The following BCAS2 variants were observed in gnomAD, a reference collection of about 807,000 sequenced individuals.
BCAS2 encodes the protein BCAS2 pre-mRNA processing factor.
A neutral mutation model predicts 35.3 loss-of-function variants in BCAS2; 34 were observed. The ratio of observed to expected loss-of-function variants is 0.96; its 90% confidence interval spans 0.73 to 1.28. The LOEUF (loss-of-function observed/expected upper bound fraction) is 1.28, where lower values mean the gene tolerates loss of function less well. BCAS2 is among the 50% of genes most tolerant of loss of function. The probability of loss-of-function intolerance (pLI) is 0.00; values close to 1 mark genes in which losing one functional copy is unlikely to be tolerated. For missense variants in BCAS2, 221 were observed against 268.1 expected (o/e 0.82, Z 1.23); for synonymous variants, 75 against 91.6 (o/e 0.82, Z 1.03).
chr1:114,578,046 C>A (rs1489231422), intron 2 of BCAS2, among the ~76,000 whole-genome samples: 2 of 152,080 alleles, frequency 1.3e-5, no homozygotes, highest in Non-Finnish European at 2.9e-5. Context: ...CAAAAATTAG[C>A]TGGGCGTGAT....
At chr1:114,576,245 C>CTATA (rs1280617063) in intron 3 of BCAS2, among the ~76,000 whole-genome samples, 292 of 142,450 alleles carry the variant, frequency 2.0e-3, no homozygotes, top group Middle Eastern at 3.5e-3. Context: ...CTCTCTCTCT[C>CTATA]TCTATATATA....
rs995974779 is a variant in BCAS2 at position 114,573,143 on chromosome 1, A to C, written c.420-2393T>G. Among the ~76,000 whole-genome samples, 87 of 134,650 alleles carry C rather than the reference A, an allele frequency of 6.5e-4. 1 individual carries two copies. The highest frequency in any genetic ancestry group is 2.2e-3 in the African/African-American group (82 of 36,486). The allele number at this position is 134,650 out of a possible 152,430, so 88.3% of individuals were successfully genotyped here. A position where few individuals can be genotyped will look rare whatever the true frequency, so the allele number is the denominator to read the frequency against. On this transcript the variant is annotated intron_variant, in intron 4 of 6. Transcript: ENST00000369541. ...CCTCCAAAAAAAAAAAAAAAAAAAA[A>C]AAAAAAAACTTGGCCTCTACCTTGC...
At chr1:114,579,358 A>G (rs1188681277) in intron 2 of BCAS2, among the ~76,000 whole-genome samples, 1 of 152,286 alleles carries the variant, frequency 6.6e-6, no homozygotes, top group African/African-American at 2.4e-5. Flanking sequence ...TCAGTAAACT[A>G]ATTACAAAGG....
In BCAS2 at chr1:114,574,460, G is replaced by A. The variant is rs17032796; in HGVS notation, c.419+1130C>T. On this transcript the variant is annotated intron_variant, in intron 4 of 6. Coordinates refer to ENST00000369541, the MANE Select transcript of BCAS2 (RefSeq NM_005872.3). ...TTTTATAAAATAAAGAAGTCTACCA[G>A]GATGAGTTTATTTTAGGATTTAAGA... is the stretch of plus-strand genomic sequence containing the variant. Among the ~76,000 whole-genome samples, 1,332 of 152,244 alleles carry A rather than the reference G, an allele frequency of 8.7e-3. 19 individuals are homozygous for A. Among genetic ancestry groups the A allele is most frequent in the African/African-American group, 0.031 (1,277 of 41,524 alleles).
intron 2 of BCAS2, among the ~76,000 whole-genome samples, chr1:114,579,046 C>T (rs1654829034): frequency 6.6e-6 from 1 of 152,160 alleles, no homozygotes; most frequent in African/African-American, 2.4e-5. Context: ...GAGGCCGAGG[C>T]AGGTGATTCA....
rs144929306 is a variant in BCAS2 at position 114,577,951 on chromosome 1, G to A, written c.187-1193C>T. On this transcript the variant is annotated intron_variant, in intron 2 of 6. Transcript: ENST00000369541. Reference sequence around the variant, plus strand: ...CTCATGCCTGTAATCCCAGCACTTCGGGAGGCCGAGGTGGGTGGATCACGA... The same window carrying A: ...CTCATGCCTGTAATCCCAGCACTTCAGGAGGCCGAGGTGGGTGGATCACGA... 6.3e-4 allele frequency among the ~76,000 whole-genome samples: 96 copies of A among 152,304 alleles called. 1 individual carries two copies. The highest frequency in any genetic ancestry group is 2.2e-3 in the African/African-American group (92 of 41,578).
chr1:114,581,477 T>C, intron 1 of BCAS2, 22 bp downstream of exon 1: 1 of 1,614,034 alleles, frequency 6.2e-7, no homozygotes, highest in Non-Finnish European at 8.5e-7. Flanking sequence ...GTGAGTCAGC[T>C]ACAAAGACAC....
Position 114,570,074 on chromosome 1 carries a change from T to G in BCAS2, c.471-2A>C, listed in dbSNP as rs1275939298. On this transcript the variant is annotated splice_acceptor_variant, in intron 5 of 6. Transcript: ENST00000369541. LOFTEE classifies it high-confidence loss of function. ...CAGTTTAAATCTTGAATATGTTTTCTGTAAAAAATTATTTATACAACCCAA... is the reference window on the plus strand; with the variant it reads ...CAGTTTAAATCTTGAATATGTTTTCGGTAAAAAATTATTTATACAACCCAA... 1.9e-6 allele frequency: 3 copies of G among 1,601,452 alleles called. No individual in the cohort carries two copies. Among genetic ancestry groups the G allele is most frequent in the Non-Finnish European group, 2.6e-6 (3 of 1,169,574 alleles).
At chr1:114,580,866 G>A (rs562577957) in intron 2 of BCAS2, among the ~76,000 whole-genome samples, 10 of 151,990 alleles carry the variant, frequency 6.6e-5, no homozygotes, top group African/African-American at 2.2e-4. Flanking sequence ...ACTTGGATAT[G>A]GTTTGTCCTT....
At chr1:114,579,620 C>G (rs1654841245) in intron 2 of BCAS2, among the ~76,000 whole-genome samples, 1 of 152,134 alleles carries the variant, frequency 6.6e-6, no homozygotes, top group South Asian at 2.1e-4. Flanking sequence ...TATCCCAACA[C>G]TTTGGGAGGC....
chr1:114,572,921 T>C (rs1028698423), intron 4 of BCAS2, among the ~76,000 whole-genome samples: 8 of 152,014 alleles, frequency 5.3e-5, no homozygotes, highest in Admixed American at 2.0e-4. Flanking sequence ...AAGACCAGCC[T>C]GGCCAACATG....
rs748056572 is a variant in BCAS2, at chr1:114,581,393, TAAGA to T, written c.94-6_94-3del. 1.9e-6 allele frequency: 3 copies of T among 1,614,030 alleles called. No individual in the cohort carries two copies. The highest frequency in any genetic ancestry group is 2.2e-5 in the South Asian group (2 of 91,080). Reference sequence around the variant, plus strand: ...TTCCTCCTCCACCAGCGCTGCAGCCTAAGAAAGAGAATAGGGACCAGGGTAGAAG... The same window carrying T: ...TTCCTCCTCCACCAGCGCTGCAGCCTAAGAGAATAGGGACCAGGGTAGAAG... On this transcript the variant is annotated splice_polypyrimidine_tract_variant and splice_region_variant and intron_variant, in intron 1 of 6. Coordinates refer to ENST00000369541, the MANE Select transcript of BCAS2 (RefSeq NM_005872.3).
intron 3 of BCAS2, 43 bp downstream of exon 3, chr1:114,576,645 G>A: frequency 4.1e-6 from 6 of 1,475,482 alleles, no homozygotes; most frequent in Non-Finnish European, 5.6e-6. Context: ...TCATTACTGA[G>A]TTACTACAAA....
chr1:114,572,035 C>T (rs969074594), intron 4 of BCAS2, among the ~76,000 whole-genome samples: 6 of 151,970 alleles, frequency 3.9e-5, no homozygotes, highest in Admixed American at 3.3e-4. Context: ...GATATAATTC[C>T]ACATCATATC....
chr1:114,575,181 CTTTTCT>C (rs1274864897), intron 4 of BCAS2, among the ~76,000 whole-genome samples: 14 of 104,134 alleles, frequency 1.3e-4, no homozygotes, highest in Admixed American at 9.6e-4. Flanking sequence ...TTTTCTTTTT[CTTTTCT>C]TTTTTTTTTT....
Position 114,581,483 on chromosome 1 carries a change from G to A in BCAS2, c.93+16C>T, listed in dbSNP as rs376024403. The A allele has an allele frequency of 1.8e-5, 29 of 1,613,878 alleles. No individual in the cohort carries two copies. Among genetic ancestry groups the A allele is most frequent in the Non-Finnish European group, 2.4e-5 (28 of 1,180,006 alleles). ...CAGCTAGCAGTGAGTCAGCTACAAA[G>A]ACACCCCGCACTCACCGCTTCCCGC... On this transcript the variant is annotated intron_variant, in intron 1 of 6. Transcript: ENST00000369541.
intron 4 of BCAS2, among the ~76,000 whole-genome samples, chr1:114,574,870 T>G (rs1363319151): frequency 6.6e-6 from 1 of 151,956 alleles, no homozygotes; most frequent in Admixed American, 6.6e-5. Flanking sequence ...CTTTGTGGGG[T>G]TTTTTTGTTT....
chr1:114,572,301 G>A (rs547906995), intron 4 of BCAS2, among the ~76,000 whole-genome samples: 12 of 152,202 alleles, frequency 7.9e-5, no homozygotes, highest in Admixed American at 3.3e-4. Flanking sequence ...CCTTGACTTC[G>A]ACAATCACTC....
chr1:114,579,042 G>A (rs1348883059), intron 2 of BCAS2, among the ~76,000 whole-genome samples: 2 of 152,300 alleles, frequency 1.3e-5, no homozygotes, highest in South Asian at 2.1e-4. Context: ...TTGGGAGGCC[G>A]AGGCAGGTGA....
Sources: gnomAD v4.1 joint callset for allele counts (sites outside exome capture counted in the v4.1 genomes callset) on GRCh38, gnomAD v4.1.1 for gene constraint, MANE v1.5 for transcripts, NCBI Gene and HGNC (gene_info 2026-07-23, HGNC 2026-07-21) for gene names.